Variants in CACNA1A observed in about 807,000 individuals in gnomAD.
The protein encoded by CACNA1A is voltage-dependent P/Q-type calcium channel subunit alpha-1A.
A neutral mutation model predicts 262.4 loss-of-function variants in CACNA1A; 57 were observed. The ratio of observed to expected loss-of-function variants is 0.22; its 90% CI spans 0.18 to 0.27. The LOEUF is 0.27. Among genes scored for constraint, CACNA1A ranks in the 10% least tolerant of loss-of-function variants. CACNA1A has a pLI of 1.00. For missense variants in CACNA1A, 2,526 were observed against 3,562.8 expected (o/e 0.71, Z 7.41); for synonymous variants, 1,431 against 1,419.3 (o/e 1.01, Z -0.18).
At chr19:13,221,737 C>T (rs1865032) in intron 38 of CACNA1A, among the ~76,000 whole-genome samples, 26,466 of 151,924 alleles carry the variant, frequency 0.17, 3,159 homozygotes, top group East Asian at 0.59. Flanking sequence ...GTGCCTGACA[C>T]GGTTGGTCCC....
chr19:13,364,325 G>A lies in CACNA1A; in HGVS notation c.784+992C>T, dbSNP rs530907349. 4.6e-5 allele frequency: 7 copies of A among 152,364 alleles called. No homozygotes were observed. The South Asian group carries it at 8.3e-4, about 18-fold the overall frequency. 9.4% of individuals were successfully genotyped at this position (152,364 alleles called of 1,614,324 possible). ...GTTCCTATAATAAATGAGAACTATCGTTTAGCATGGCACCTGTGCCTGGAA... is the reference window on the plus strand; with the variant it reads ...GTTCCTATAATAAATGAGAACTATCATTTAGCATGGCACCTGTGCCTGGAA... On this transcript the variant is annotated intron_variant, in intron 5 of 46. Coordinates refer to ENST00000360228, the MANE Select transcript of CACNA1A (RefSeq NM_001127222.2).
At chr19:13,413,939 GAAAGAAAA>G (rs2060176018) in intron 3 of CACNA1A, among the ~76,000 whole-genome samples, 2 of 141,856 alleles carry the variant, frequency 1.4e-5, no homozygotes, top group South Asian at 4.7e-4. Flanking sequence ...AAGAAAGAAA[GAAAGAAAA>G]GGAAGGCAAG....
In CACNA1A at chr19:13,365,408, G is replaced by A. The variant is rs1193040010; in HGVS notation, c.693C>T (p.Leu231=). ...AAATAAGGATTGCAAAAAATAGGAGGAGGCCGATCTGCAGCAAAGGGATCA... is the reference window on the plus strand; with the variant it reads ...AAATAAGGATTGCAAAAAATAGGAGAAGGCCGATCTGCAGCAAAGGGATCA... ...KAMIPLLQIG[L]LLFFAILIFA... The change falls in exon 5 of 47, where the codon CTC becomes CTT. Residue 231 remains leucine, a synonymous_variant. Transcript: ENST00000360228. 5.0e-6 allele frequency: 8 copies of A among 1,613,742 alleles called. No individual in the cohort carries two copies. The highest frequency in any genetic ancestry group is 6.8e-6 in the Non-Finnish European group (8 of 1,179,716).
intron 6 of CACNA1A, among the ~76,000 whole-genome samples, chr19:13,343,903 C>T (rs1204082520): frequency 6.6e-6 from 1 of 152,098 alleles, no homozygotes. Context: ...TTTATAGCAT[C>T]AAATACCTAC....
At chr19:13,443,413 T>G (rs936674474) in intron 3 of CACNA1A, among the ~76,000 whole-genome samples, 2 of 152,148 alleles carry the variant, frequency 1.3e-5, no homozygotes, top group South Asian at 4.1e-4. Context: ...GTGATCATAG[T>G]TCACTGCAGC....
chr19:13,344,973 G>A (rs1161042015), intron 6 of CACNA1A, among the ~76,000 whole-genome samples: 2 of 151,922 alleles, frequency 1.3e-5, no homozygotes, highest in Non-Finnish European at 2.9e-5. Flanking sequence ...TGGCCAGGCT[G>A]GTCTTGAACT....
intron 3 of CACNA1A, among the ~76,000 whole-genome samples, chr19:13,431,469 G>A (rs924723980): frequency 1.3e-5 from 2 of 152,022 alleles, no homozygotes; most frequent in Admixed American, 6.6e-5. Context: ...GGTTAAAGCC[G>A]CCTTTACCTA....
chr19:13,474,406 A>G (rs1215060569), intron 1 of CACNA1A, among the ~76,000 whole-genome samples: 1 of 152,234 alleles, frequency 6.6e-6, no homozygotes, highest in Non-Finnish European at 1.5e-5. Flanking sequence ...ATGGAAGACA[A>G]CAACAGAAAA....
chr19:13,245,282 CA>C lies in CACNA1A; in HGVS notation c.4867-18del. On this transcript the variant is annotated intron_variant, in intron 30 of 46. Coordinates refer to ENST00000360228, the MANE Select transcript of CACNA1A (RefSeq NM_001127222.2). ...GAAATAATTCTAGAATGGGGACCCA[CA>C]AGACAGAGATGCCAACAGAGGGCTT... The C allele has an allele frequency of 6.2e-7, 1 of 1,608,906 alleles. No individual in the cohort carries two copies. The highest frequency in any genetic ancestry group is 8.5e-7 in the Non-Finnish European group (1 of 1,175,226).
rs12985136 is a variant in CACNA1A at position 13,299,421 on chromosome 19, G to T, written c.2280-68C>A. ...TGTAGCTTGGATGGATGACCCAGGCGAACCAACCCACATCTCAGCCTCCCA... is the reference window on the plus strand; with the variant it reads ...TGTAGCTTGGATGGATGACCCAGGCTAACCAACCCACATCTCAGCCTCCCA... On this transcript the variant is annotated intron_variant, in intron 18 of 46. Coordinates refer to ENST00000360228, the MANE Select transcript of CACNA1A (RefSeq NM_001127222.2). 652,574 of 1,382,118 alleles carry T rather than the reference G, an allele frequency of 0.47. 158,620 individuals carry two copies. The highest frequency in any genetic ancestry group is 0.75 in the East Asian group (32,562 of 43,652). The allele number at this position is 1,382,118 out of a possible 1,614,324, so 85.6% of individuals were successfully genotyped here.
intron 10 of CACNA1A, among the ~76,000 whole-genome samples, chr19:13,328,647 T>C (rs1414334497): frequency 6.6e-6 from 1 of 152,106 alleles, no homozygotes; most frequent in Non-Finnish European, 1.5e-5. Context: ...GGAGTCATTG[T>C]ACGTAAATGT....
At chr19:13,428,039 C>T (rs1020432637) in intron 3 of CACNA1A, among the ~76,000 whole-genome samples, 1 of 152,042 alleles carries the variant, frequency 6.6e-6, no homozygotes, top group South Asian at 2.1e-4. Flanking sequence ...TCAAGCGATT[C>T]TCCTACCTCA....
At chr19:13,216,155 C>T (rs962742914) in intron 38 of CACNA1A, among the ~76,000 whole-genome samples, 4 of 152,010 alleles carry the variant, frequency 2.6e-5, no homozygotes, top group Non-Finnish European at 5.9e-5. Flanking sequence ...GCCAGTCCCT[C>T]GTCCCTCACC....
intron 1 of CACNA1A, among the ~76,000 whole-genome samples, chr19:13,484,393 A>G (rs935610992): frequency 6.6e-6 from 1 of 152,212 alleles, no homozygotes; most frequent in African/African-American, 2.4e-5. Flanking sequence ...TCCAGAGCAC[A>G]TACCCTTGGC....
At chr19:13,502,180 A>T (rs2145176601) in intron 1 of CACNA1A, among the ~76,000 whole-genome samples, 1 of 138,742 alleles carries the variant, frequency 7.2e-6, no homozygotes, top group South Asian at 2.3e-4. Flanking sequence ...AAAAAAAAAA[A>T]TGAGAGGAGT....
chr19:13,286,947 C>A lies in CACNA1A; in HGVS notation c.3109G>T (p.Val1037Phe), dbSNP rs769061598. The change falls in exon 20 of 47, where the codon GTC (valine) becomes TTC (phenylalanine). Residue 1037 changes from valine (V) to phenylalanine (F), a missense_variant. Val to Phe is a conservative substitution (Grantham distance 50, BLOSUM62 -1). Around this residue, in one of 17 missense-constraint regions of CACNA1A, gnomAD observed 765 missense variants for 748.6 expected, o/e 1.02. Transcript: ENST00000360228. ...GACAGGTTGGGGCCCGACACAGGGA[C>A]CCCGGAGCCCTGGTTCTCTCTGAGG... ...RRRKENQGSG[V>F]PVSGPNLSTT... The A allele has an allele frequency of 6.2e-7, 1 of 1,602,106 alleles. No individual in the cohort carries two copies. Among genetic ancestry groups the A allele is most frequent in the South Asian group, 1.1e-5 (1 of 90,352 alleles).
At chr19:13,453,780 G>A (rs2060957861) in intron 2 of CACNA1A, among the ~76,000 whole-genome samples, 1 of 152,100 alleles carries the variant, frequency 6.6e-6, no homozygotes, top group African/African-American at 2.4e-5. Flanking sequence ...CGTTTCTCGA[G>A]CTACAATCAT....
chr19:13,471,160 G>A (rs1254314304), intron 1 of CACNA1A, among the ~76,000 whole-genome samples: 3 of 151,938 alleles, frequency 2.0e-5, no homozygotes, highest in East Asian at 1.9e-4. Context: ...ATGGAATCTC[G>A]AGTCCACTGT....
intron 4 of CACNA1A, among the ~76,000 whole-genome samples, chr19:13,367,993 C>T (rs1355155582): frequency 6.6e-6 from 1 of 151,938 alleles, no homozygotes; most frequent in Non-Finnish European, 1.5e-5. Context: ...AAAAGTTCCA[C>T]TGTTGTAAGA....
Sources: allele counts gnomAD v4.1 joint callset (sites outside exome capture counted in the v4.1 genomes callset), GRCh38; gene constraint gnomAD v4.1.1; regional missense constraint gnomAD v4.1.1; transcripts MANE v1.5; gene names NCBI Gene and HGNC (gene_info 2026-07-23, HGNC 2026-07-21).